Variants in SPAG16 observed in about 807,000 individuals in gnomAD.
The protein encoded by SPAG16 is sperm-associated antigen 16 protein.
A neutral mutation model predicts 80.4 loss-of-function variants in SPAG16; 86 were observed. The ratio of observed to expected loss-of-function variants is 1.07; its 90% CI spans 0.90 to 1.28. The LOEUF is 1.28. Ranked by LOEUF, SPAG16 falls within the 50% of genes most tolerant of loss-of-function variation. SPAG16 has a pLI of 0.00. For missense variants in SPAG16, 870 were observed against 765.3 expected, an observed-to-expected ratio of 1.14 and a Z score of -1.61; for synonymous variants, 294 against 265.9, an observed-to-expected ratio of 1.11 and a Z score of -1.03.
At chr2:213,847,920 C>T (rs938287977) in intron 10 of SPAG16, among the ~76,000 whole-genome samples, 3 of 151,854 alleles carry the variant, frequency 2.0e-5, no homozygotes, top group Admixed American at 6.6e-5. Flanking sequence ...GAGGCAGTGC[C>T]GTATGTTATA....
chr2:214,367,161 A>G (rs1046704218), intron 15 of SPAG16, among the ~76,000 whole-genome samples: 4 of 152,212 alleles, frequency 2.6e-5, no homozygotes, highest in Non-Finnish European at 5.9e-5. Context: ...GTAATATCTT[A>G]ATGCTTTCAT....
chr2:213,669,428 T>G (rs1213784364), intron 10 of SPAG16, among the ~76,000 whole-genome samples: 1 of 152,190 alleles, frequency 6.6e-6, no homozygotes, highest in Non-Finnish European at 1.5e-5. Context: ...CTATGAGAAG[T>G]CTACAGAAAT....
chr2:214,006,544 A>G (rs2047033497), intron 12 of SPAG16, among the ~76,000 whole-genome samples: 1 of 152,260 alleles, frequency 6.6e-6, no homozygotes, highest in Non-Finnish European at 1.5e-5. Context: ...ACGTAAGTTA[A>G]GAAAGAGCTA....
At chr2:213,380,127 T>C (rs1409841565) in intron 9 of SPAG16, among the ~76,000 whole-genome samples, 1 of 152,168 alleles carries the variant, frequency 6.6e-6, no homozygotes, top group Non-Finnish European at 1.5e-5. Flanking sequence ...GCCAAACCAT[T>C]GGCTGCAGCC....
At chr2:214,154,569 G>C (rs1394143115) in intron 15 of SPAG16, among the ~76,000 whole-genome samples, 1 of 141,116 alleles carries the variant, frequency 7.1e-6, no homozygotes, top group African/African-American at 2.7e-5. Flanking sequence ...TGATTCATCA[G>C]TTTCTTCTAG....
rs149037891 is a variant in SPAG16, at chr2:214,049,371, C to CT, written c.1527+35300dup. ...ACCCAGACTATAAACATGAAAGTTG[C>CT]TTTTTTAAAACTCCTGTCATGCTCT... On this transcript the variant is annotated intron_variant, in intron 13 of 15. Transcript: ENST00000331683. Among the ~76,000 whole-genome samples, 689 of 152,154 alleles carry CT rather than the reference C, an allele frequency of 4.5e-3. 9 individuals are homozygous for CT. The highest frequency in any genetic ancestry group is 0.016 in the African/African-American group (665 of 41,444).
At chr2:214,076,762 GC>G (rs1243532836) in intron 13 of SPAG16, among the ~76,000 whole-genome samples, 1 of 152,100 alleles carries the variant, frequency 6.6e-6, no homozygotes, top group Non-Finnish European at 1.5e-5. Context: ...TTCATAGTTT[GC>G]TTTTGGTTGG....
intron 7 of SPAG16, among the ~76,000 whole-genome samples, chr2:213,351,188 A>G (rs2065308880): frequency 6.6e-6 from 1 of 152,176 alleles, no homozygotes; most frequent in South Asian, 2.1e-4. Flanking sequence ...ACATAAATTT[A>G]TAGCAGATTA....
At chr2:213,292,692 A>AAAC (rs1553617131) in intron 1 of SPAG16, among the ~76,000 whole-genome samples, 1 of 135,836 alleles carries the variant, frequency 7.4e-6, no homozygotes, top group Non-Finnish European at 1.6e-5. Flanking sequence ...AAACAAAAAA[A>AAAC]AACAAAACTA....
chr2:213,742,562 T>TG (rs2067610588), intron 10 of SPAG16, among the ~76,000 whole-genome samples: 1 of 150,856 alleles, frequency 6.6e-6, no homozygotes, highest in Non-Finnish European at 1.5e-5. Context: ...TTTTTTTTTT[T>TG]TTTTTTTGAG....
chr2:214,185,329 T>C (rs1034441163), intron 15 of SPAG16, among the ~76,000 whole-genome samples: 1 of 152,068 alleles, frequency 6.6e-6, no homozygotes, highest in African/African-American at 2.4e-5. Context: ...CACCTGATAA[T>C]TTATGGTTAT....
chr2:213,286,526 A>T (rs2062062290), intron 1 of SPAG16, among the ~76,000 whole-genome samples: 1 of 152,216 alleles, frequency 6.6e-6, no homozygotes, highest in African/African-American at 2.4e-5. Flanking sequence ...GGCAATTATG[A>T]TAGTTGCCAA....
At chr2:213,911,212 C>T (rs1401926942) in intron 11 of SPAG16, among the ~76,000 whole-genome samples, 1 of 152,226 alleles carries the variant, frequency 6.6e-6, no homozygotes, top group Admixed American at 6.5e-5. Context: ...GTGGCACGAT[C>T]ACAGCTCACT....
intron 13 of SPAG16, among the ~76,000 whole-genome samples, chr2:214,046,766 A>G (rs1274245636): frequency 6.6e-6 from 1 of 152,176 alleles, no homozygotes; most frequent in Non-Finnish European, 1.5e-5. Context: ...TTCACAGATG[A>G]TATGATCTTA....
intron 15 of SPAG16, among the ~76,000 whole-genome samples, chr2:214,158,337 A>C (rs1299771830): frequency 6.6e-6 from 1 of 152,024 alleles, no homozygotes; most frequent in Non-Finnish European, 1.5e-5. Context: ...CTTTTCCTCG[A>C]TCCAAAACAG....
chr2:213,702,672 A>G (rs966714181), intron 10 of SPAG16, among the ~76,000 whole-genome samples: 4 of 152,226 alleles, frequency 2.6e-5, no homozygotes, highest in East Asian at 1.9e-4. Context: ...TCCGTAATCT[A>G]TGACACATAG....
chr2:213,502,076 A>T (rs1330594339), intron 10 of SPAG16, among the ~76,000 whole-genome samples: 1 of 152,138 alleles, frequency 6.6e-6, no homozygotes. Context: ...CTGGAATAGG[A>T]CATAGTAAGT....
At chr2:214,018,245 C>G (rs1011724854) in intron 13 of SPAG16, among the ~76,000 whole-genome samples, 3 of 151,960 alleles carry the variant, frequency 2.0e-5, no homozygotes, top group Non-Finnish European at 4.4e-5. Flanking sequence ...TCAGATATAG[C>G]TAATTTATTA....
At chr2:213,929,493 T>C (rs1007474462) in intron 11 of SPAG16, among the ~76,000 whole-genome samples, 7 of 152,204 alleles carry the variant, frequency 4.6e-5, no homozygotes, top group African/African-American at 9.7e-5. Flanking sequence ...GATTCACTTC[T>C]TCCTTCATCC....
Sources: gnomAD v4.1 joint callset for allele counts (sites outside exome capture counted in the v4.1 genomes callset) on GRCh38, gnomAD v4.1.1 for gene constraint, MANE v1.5 for transcripts, NCBI Gene and HGNC (gene_info 2026-07-23, HGNC 2026-07-21) for gene names.